PDZD2: variants seen among roughly 807,000 people sequenced by gnomAD.
PDZD2 encodes PDZ domain-containing protein 2.
Under a neutral mutation model 220.7 loss-of-function variants are expected in PDZD2, and 90 were observed. That is an observed-to-expected ratio of 0.41 (90% CI 0.34 to 0.49). PDZD2 has a LOEUF of 0.49. PDZD2 is among the 20% of genes least tolerant of loss of function. PDZD2 has a pLI of 0.28. For synonymous variants in PDZD2, 1,375 were observed against 1,450.5 expected (o/e 0.95, Z 1.18); for missense variants, 3,174 against 3,608.5 (o/e 0.88, Z 3.08).
At chr5:31,663,563 C>G (rs1467673680) in intron 1 of PDZD2, among the ~76,000 whole-genome samples, 1 of 152,168 alleles carries the variant, frequency 6.6e-6, no homozygotes. Context: ...TTGAAATTGG[C>G]AGGCCCACAT....
chr5:31,850,555 G>A (rs10057651), intron 2 of PDZD2, among the ~76,000 whole-genome samples: 6 of 150,474 alleles, frequency 4.0e-5, no homozygotes, highest in Non-Finnish European at 1.5e-5. Context: ...ATTGCACAGT[G>A]TTATCAGATG....
At chr5:32,037,405 A>C in intron 7 of PDZD2, 63 bp downstream of exon 7, 1 of 925,064 alleles carries the variant, frequency 1.1e-6, no homozygotes, top group Admixed American at 2.0e-5. Flanking sequence ...AGGAGCAGGG[A>C]GATGAAGCCA....
chr5:31,944,589 G>A (rs1746472709), intron 2 of PDZD2, among the ~76,000 whole-genome samples: 1 of 152,230 alleles, frequency 6.6e-6, no homozygotes, highest in Admixed American at 6.5e-5. Context: ...GGAAATGTGG[G>A]AAAATCCCAG....
chr5:32,051,809 T>C (rs1045314424), intron 8 of PDZD2, among the ~76,000 whole-genome samples: 1 of 152,224 alleles, frequency 6.6e-6, no homozygotes, highest in African/African-American at 2.4e-5. Context: ...GGATGTTTTA[T>C]GTGGAATAAC....
chr5:31,682,343 G>A (rs1746683230), intron 1 of PDZD2, among the ~76,000 whole-genome samples: 1 of 152,134 alleles, frequency 6.6e-6, no homozygotes, highest in African/African-American at 2.4e-5. Flanking sequence ...CGTGGTTAGG[G>A]CAAACTGTCC....
intron 7 of PDZD2, among the ~76,000 whole-genome samples, chr5:32,042,657 T>C (rs1013061039): frequency 1.3e-5 from 2 of 152,202 alleles, no homozygotes; most frequent in Non-Finnish European, 2.9e-5. Flanking sequence ...GTGTTACGCT[T>C]GAACGAGTTA....
Position 31,799,275 on chromosome 5 carries a change from G to A in PDZD2, c.27G>A (p.Val9=). 5 of 1,610,452 alleles carry A rather than the reference G, an allele frequency of 3.1e-6. No individual in the cohort carries two copies. The highest frequency in any genetic ancestry group is 3.4e-6 in the Non-Finnish European group (4 of 1,178,026). MPITQDNA[V]LHLPLLYQWL... ...TGCCCATCACCCAGGACAATGCCGTGCTGCACCTGCCCCTCCTCTACCAGT... is the reference window on the plus strand; with the variant it reads ...TGCCCATCACCCAGGACAATGCCGTACTGCACCTGCCCCTCCTCTACCAGT... The change falls in exon 2 of 25, where the codon GTG becomes GTA. Residue 9 remains valine, a synonymous_variant. Coordinates refer to ENST00000438447, the MANE Select transcript of PDZD2 (RefSeq NM_178140.4).
At chr5:31,978,449 G>A (rs1561246729) in intron 2 of PDZD2, among the ~76,000 whole-genome samples, 1 of 152,184 alleles carries the variant, frequency 6.6e-6, no homozygotes, top group African/African-American at 2.4e-5. Context: ...GCCAGGCATG[G>A]TGGCTCACGC....
chr5:31,914,824 A>G (rs1185515651), intron 2 of PDZD2, among the ~76,000 whole-genome samples: 3 of 152,214 alleles, frequency 2.0e-5, no homozygotes, highest in African/African-American at 4.8e-5. Flanking sequence ...TTGACATAGA[A>G]AGCTGGTGAA....
At chr5:31,919,078 A>G (rs1018737151) in intron 2 of PDZD2, among the ~76,000 whole-genome samples, 4 of 152,240 alleles carry the variant, frequency 2.6e-5, no homozygotes, top group Admixed American at 6.5e-5. Flanking sequence ...TAAATAAGCC[A>G]AAACAGCAGA....
At chr5:31,928,855 C>T (rs754854404) in intron 2 of PDZD2, among the ~76,000 whole-genome samples, 11 of 151,924 alleles carry the variant, frequency 7.2e-5, no homozygotes, top group Non-Finnish European at 1.3e-4. Flanking sequence ...CCCTATGTTT[C>T]CATTTACTTA....
rs72635214 is a variant in PDZD2, at chr5:31,668,582, G to A, written c.-361+29145G>A. On this transcript the variant is annotated intron_variant, in intron 1 of 24. Coordinates refer to ENST00000438447, the MANE Select transcript of PDZD2 (RefSeq NM_178140.4). ...AGGATCATTTGGGTTTTGGAGTTGCGGTCTCCTGCTGTTCCTAACGTCATA... is the reference window on the plus strand; with the variant it reads ...AGGATCATTTGGGTTTTGGAGTTGCAGTCTCCTGCTGTTCCTAACGTCATA... Among the ~76,000 whole-genome samples the A allele has an allele frequency of 6.2e-3, 942 of 152,226 alleles. 67 individuals are homozygous for A. In the East Asian group the frequency reaches 0.15, roughly 24 times the overall value.
intron 15 of PDZD2, among the ~76,000 whole-genome samples, chr5:32,070,746 G>A (rs1039195731): frequency 3.9e-5 from 6 of 152,202 alleles, no homozygotes; most frequent in Non-Finnish European, 7.3e-5. Flanking sequence ...CTATAATCCC[G>A]GCACTTTGGG....
rs188348209 is a variant in PDZD2, at chr5:32,071,697, C to T, written c.2568+279C>T. On this transcript the variant is annotated intron_variant, in intron 16 of 24. Transcript: ENST00000438447. ...TTCAAACTGCTCCATAATAAAGCAG[C>T]GTGAGTCAGGACTTGGGGCTTTAAG... Among the ~76,000 whole-genome samples, 41 of 152,300 alleles carry T rather than the reference C, an allele frequency of 2.7e-4. 1 individual carries two copies. Among genetic ancestry groups the T allele is most frequent in the Middle Eastern group, 3.4e-3 (1 of 294 alleles).
intron 24 of PDZD2, among the ~76,000 whole-genome samples, chr5:32,107,041 T>C (rs888029335): frequency 3.9e-5 from 6 of 152,236 alleles, no homozygotes; most frequent in African/African-American, 1.4e-4. Flanking sequence ...AATCGATACA[T>C]CTGCTCAGTC....
chr5:32,003,024 C>T (rs1431444916), intron 5 of PDZD2, among the ~76,000 whole-genome samples: 1 of 131,806 alleles, frequency 7.6e-6, no homozygotes, highest in Non-Finnish European at 1.6e-5. Flanking sequence ...CACCACATAC[C>T]ACATGCATAC....
At chr5:31,950,411 A>G (rs904630419) in intron 2 of PDZD2, among the ~76,000 whole-genome samples, 1 of 152,234 alleles carries the variant, frequency 6.6e-6, no homozygotes, top group Non-Finnish European at 1.5e-5. Flanking sequence ...GTGGATCCTC[A>G]TTCCTAAGCA....
At chr5:31,844,772 C>A (rs749980428) in intron 2 of PDZD2, among the ~76,000 whole-genome samples, 21 of 152,148 alleles carry the variant, frequency 1.4e-4, no homozygotes, top group Non-Finnish European at 2.9e-4. Flanking sequence ...TTATAGAAGG[C>A]CCTTCATGGT....
At chr5:32,054,004 A>G in intron 10 of PDZD2, 121 bp downstream of exon 10, 3 of 649,664 alleles carry the variant, frequency 4.6e-6, no homozygotes, top group Non-Finnish European at 2.8e-6. Flanking sequence ...TCTGCCTGGC[A>G]TAGTCAGTGT....
Sources: allele counts gnomAD v4.1 joint callset (sites outside exome capture counted in the v4.1 genomes callset), GRCh38; gene constraint gnomAD v4.1.1; transcripts MANE v1.5; gene names NCBI Gene and HGNC (gene_info 2026-07-23, HGNC 2026-07-21).